The following PDCD6IP variants were observed in gnomAD, a reference collection of about 807,000 sequenced individuals.
PDCD6IP encodes programmed cell death 6-interacting protein.
PDCD6IP carries 43 observed loss-of-function variants against 103.7 expected under a neutral mutation model. The ratio of observed to expected loss-of-function variants is 0.41; its 90% CI spans 0.32 to 0.53. The LOEUF is 0.53. Ranked by LOEUF, PDCD6IP falls within the 20% of genes least tolerant of loss-of-function variation. PDCD6IP has a pLI of 0.16. For synonymous variants in PDCD6IP, 354 were observed against 378.7 expected (o/e 0.93, Z 0.76); for missense variants, 871 against 1,036.7 (o/e 0.84, Z 2.20).
intron 1 of PDCD6IP, among the ~76,000 whole-genome samples, chr3:33,805,775 C>G (rs557117821): frequency 6.7e-6 from 1 of 149,454 alleles, no homozygotes; most frequent in Admixed American, 6.7e-5. Flanking sequence ...GATGGAGTCT[C>G]ACTCGGTCGC....
At chr3:33,820,324 C>G (rs950049283) in intron 3 of PDCD6IP, among the ~76,000 whole-genome samples, 1 of 152,062 alleles carries the variant, frequency 6.6e-6, no homozygotes, top group Admixed American at 6.6e-5. Flanking sequence ...TTCCCTCCCC[C>G]CTCAACCCTT....
intron 7 of PDCD6IP, among the ~76,000 whole-genome samples, chr3:33,829,673 G>A (rs1697205084): frequency 6.6e-6 from 1 of 152,122 alleles, no homozygotes; most frequent in South Asian, 2.1e-4. Context: ...GTAGACAGAG[G>A]ATAGAAAGAT....
At chr3:33,826,329 TTGTC>T in intron 5 of PDCD6IP, 147 bp from the exon 6 acceptor site, 1 of 591,388 alleles carries the variant, frequency 1.7e-6, no homozygotes, top group Non-Finnish European at 2.9e-6. Flanking sequence ...CTAATCTATT[TTGTC>T]TGTTCTAAAT....
intron 1 of PDCD6IP, 101 bp from the exon 2 acceptor site, chr3:33,811,971 G>A: frequency 7.1e-7 from 1 of 1,403,460 alleles, no homozygotes; most frequent in South Asian, 1.5e-5. Flanking sequence ...GCTGCTCAAA[G>A]TAAGCATGAA....
intron 5 of PDCD6IP, 111 bp downstream of exon 5, chr3:33,825,451 T>C: frequency 1.1e-6 from 1 of 935,746 alleles, no homozygotes; most frequent in Non-Finnish European, 1.5e-6. Flanking sequence ...TTCTTGAACT[T>C]GATACATGAA....
At chr3:33,859,358 A>G (rs1575945832) in intron 15 of PDCD6IP, among the ~76,000 whole-genome samples, 1 of 152,212 alleles carries the variant, frequency 6.6e-6, no homozygotes, top group Admixed American at 6.5e-5. Context: ...ATTAAAAAAA[A>G]AGAAAAGAAT....
chr3:33,852,950 G>T (rs1275135546), intron 13 of PDCD6IP, among the ~76,000 whole-genome samples: 1 of 144,704 alleles, frequency 6.9e-6, no homozygotes, highest in East Asian at 2.0e-4. Flanking sequence ...TTGAGATGGA[G>T]TCTCTCTCTG....
chr3:33,852,508 C>T lies in PDCD6IP; in HGVS notation c.1662C>T (p.Ser554=). The part of the protein sequence containing the change: ...QGSEVVNVLK[S]LLSNLDEVKK... Reference sequence around the variant, plus strand: ...TTTAGGTTGTAAATGTCTTAAAATCCTTATTGTCAAATCTTGATGAAGTAA... The same window carrying T: ...TTTAGGTTGTAAATGTCTTAAAATCTTTATTGTCAAATCTTGATGAAGTAA... The change falls in exon 13 of 18, where the codon TCC becomes TCT. Residue 554 remains serine (S), a synonymous_variant. Coordinates refer to ENST00000307296, the MANE Select transcript of PDCD6IP (RefSeq NM_013374.6). 2.1e-6 allele frequency: 3 copies of T among 1,437,530 alleles called. No homozygotes were observed. The East Asian group carries it at 9.1e-5, about 44-fold the overall frequency. The allele number at this position is 1,437,530 out of a possible 1,614,324, so 89.0% of individuals were successfully genotyped here.
chr3:33,820,280 C>T (rs1253904360), intron 3 of PDCD6IP, among the ~76,000 whole-genome samples: 1 of 9,292 alleles, frequency 1.1e-4, no homozygotes, highest in East Asian at 2.7e-3. Flanking sequence ...GAGACCCTGT[C>T]TCAAAAGAAA....
rs777906062 is a variant in PDCD6IP at position 33,844,107 on chromosome 3, T to C, written c.1360-5T>C. 2.1e-4 allele frequency: 333 copies of C among 1,567,102 alleles called. No homozygotes were observed. Among genetic ancestry groups the C allele is most frequent in the Non-Finnish European group, 2.7e-4 (307 of 1,154,146 alleles). On this transcript the variant is annotated splice_region_variant and splice_polypyrimidine_tract_variant and intron_variant, in intron 10 of 17. Coordinates refer to ENST00000307296, the MANE Select transcript of PDCD6IP (RefSeq NM_013374.6). ...TTTCAGGGTTCTTTTTGCTTCCTTT[T>C]AAAGTCATTAAGGTTGTTGGATGAA...
chr3:33,824,020 T>C (rs1697054733), intron 4 of PDCD6IP, among the ~76,000 whole-genome samples: 1 of 152,128 alleles, frequency 6.6e-6, no homozygotes, highest in South Asian at 2.1e-4. Flanking sequence ...CTTTGTGCCG[T>C]TGGGCAAGTT....
chr3:33,857,812 A>G (rs1697862319), intron 15 of PDCD6IP, among the ~76,000 whole-genome samples: 1 of 152,194 alleles, frequency 6.6e-6, no homozygotes, highest in Non-Finnish European at 1.5e-5. Flanking sequence ...ATGTGTGTGT[A>G]TATATTTCTG....
intron 15 of PDCD6IP, among the ~76,000 whole-genome samples, chr3:33,856,698 A>G (rs753513415): frequency 6.6e-6 from 1 of 152,300 alleles, no homozygotes; most frequent in Non-Finnish European, 1.5e-5. Flanking sequence ...CTTAAAAGAT[A>G]ATGGCAGAAT....
chr3:33,828,734 A>G (rs1697183307), intron 6 of PDCD6IP, 119 bp from the exon 7 acceptor site: 1 of 998,740 alleles, frequency 1.0e-6, no homozygotes, highest in Non-Finnish European at 1.5e-6. Flanking sequence ...CTTAATCTCT[A>G]AACCATTAAT....
intron 9 of PDCD6IP, among the ~76,000 whole-genome samples, chr3:33,841,584 G>A (rs1697474785): frequency 6.6e-6 from 1 of 150,706 alleles, no homozygotes; most frequent in African/African-American, 2.4e-5. Flanking sequence ...GACTACAGGC[G>A]CCCGCCACCA....
intron 3 of PDCD6IP, among the ~76,000 whole-genome samples, chr3:33,815,089 A>G (rs1173586981): frequency 1.3e-5 from 2 of 148,998 alleles, no homozygotes; most frequent in Non-Finnish European, 3.0e-5. Context: ...TGTGCATACC[A>G]TATACATACA....
At chr3:33,845,038 C>CTT (rs200076857) in intron 11 of PDCD6IP, among the ~76,000 whole-genome samples, 11 of 143,776 alleles carry the variant, frequency 7.7e-5, no homozygotes, top group East Asian at 4.0e-4. Flanking sequence ...TTCTAAAAAT[C>CTT]TTTTTTTTTT....
chr3:33,857,001 C>A (rs1232652397), intron 15 of PDCD6IP, among the ~76,000 whole-genome samples: 1 of 152,024 alleles, frequency 6.6e-6, no homozygotes, highest in Non-Finnish European at 1.5e-5. Flanking sequence ...TCTCTCTGTT[C>A]ATATTCATGA....
At chr3:33,807,901 A>G (rs1162890812) in intron 1 of PDCD6IP, among the ~76,000 whole-genome samples, 1 of 152,224 alleles carries the variant, frequency 6.6e-6, no homozygotes, top group Non-Finnish European at 1.5e-5. Context: ...TTATAGCCAT[A>G]TTGGCCTCCT....
Sources: allele counts gnomAD v4.1 joint callset (sites outside exome capture counted in the v4.1 genomes callset), GRCh38; gene constraint gnomAD v4.1.1; transcripts MANE v1.5; gene names NCBI Gene and HGNC (gene_info 2026-07-23, HGNC 2026-07-21).